Variants in MAGI1 observed in about 807,000 individuals in gnomAD.
The protein encoded by MAGI1 is membrane-associated guanylate kinase, WW and PDZ domain-containing protein 1.
Under a neutral mutation model 139.9 loss-of-function variants are expected in MAGI1, and 58 were observed. The ratio of observed to expected loss-of-function variants is 0.41; its 90% CI spans 0.34 to 0.52. The LOEUF (loss-of-function observed/expected upper bound fraction) is 0.52, where lower values mean the gene tolerates loss of function less well. Among genes scored for constraint, MAGI1 ranks in the 20% least tolerant of loss-of-function variants. The pLI, the probability that MAGI1 is intolerant of heterozygous loss-of-function variation, is 0.12. For missense variants in MAGI1, 1,874 were observed against 1,901.6 expected (o/e 0.99, Z 0.27); for synonymous variants, 812 against 737.9 (o/e 1.10, Z -1.63).
chr3:65,565,049 A>C (rs1275147007), intron 2 of MAGI1, among the ~76,000 whole-genome samples: 4 of 152,190 alleles, frequency 2.6e-5, no homozygotes, highest in African/African-American at 7.2e-5. Flanking sequence ...CCAAACCTAG[A>C]TAACACGAAT....
intron 1 of MAGI1, among the ~76,000 whole-genome samples, chr3:65,666,617 C>A (rs1352756501): frequency 6.6e-6 from 1 of 152,162 alleles, no homozygotes; most frequent in Non-Finnish European, 1.5e-5. Flanking sequence ...GTGAGCAATT[C>A]CCAAACTGAT....
At chr3:66,008,703 G>GT (rs1553746770) in intron 1 of MAGI1, 1 of 53,782 alleles carries the variant, frequency 1.9e-5, no homozygotes, top group Non-Finnish European at 5.4e-5. Flanking sequence ...GGAAGAGTAT[G>GT]GGGGGGCAGG....
intron 1 of MAGI1, chr3:65,688,160 C>A: frequency 1.3e-6 from 1 of 765,010 alleles, no homozygotes; most frequent in South Asian, 1.3e-5. Context: ...CCATGGGTAT[C>A]ACTGACCCCC....
intron 2 of MAGI1, among the ~76,000 whole-genome samples, chr3:65,537,934 A>G (rs906887234): frequency 6.6e-6 from 1 of 152,150 alleles, no homozygotes; most frequent in Non-Finnish European, 1.5e-5. Flanking sequence ...CCTGGCCAAC[A>G]TGGTGAAACC....
At chr3:65,838,710 G>T (rs900376079) in intron 1 of MAGI1, among the ~76,000 whole-genome samples, 4 of 152,198 alleles carry the variant, frequency 2.6e-5, no homozygotes, top group Non-Finnish European at 5.9e-5. Context: ...TTTTTGTGTG[G>T]ACATAAGTTT....
At chr3:65,666,424 G>T (rs1401692098) in intron 1 of MAGI1, among the ~76,000 whole-genome samples, 5 of 152,170 alleles carry the variant, frequency 3.3e-5, no homozygotes, top group African/African-American at 1.2e-4. Context: ...TTCTCCAAAG[G>T]CTATTCCACT....
intron 1 of MAGI1, among the ~76,000 whole-genome samples, chr3:65,696,507 GAATA>G (rs2089205587): frequency 6.6e-6 from 1 of 151,942 alleles, no homozygotes; most frequent in South Asian, 2.1e-4. Context: ...TTTGTTGAAT[GAATA>G]AATAAATGTA....
At chr3:65,786,608 A>ATTTTTT (rs34768515) in intron 1 of MAGI1, among the ~76,000 whole-genome samples, 1 of 128,372 alleles carries the variant, frequency 7.8e-6, no homozygotes, top group Non-Finnish European at 1.6e-5. Flanking sequence ...TGGCCCAAGA[A>ATTTTTT]TTTTTTTTTT....
At chr3:65,726,304 A>G (rs1325584884) in intron 1 of MAGI1, among the ~76,000 whole-genome samples, 1 of 152,210 alleles carries the variant, frequency 6.6e-6, no homozygotes, top group East Asian at 1.9e-4. Context: ...TTTGAATTAA[A>G]TTATGACAAA....
chr3:65,422,455 G>A (rs1049089992), intron 12 of MAGI1, among the ~76,000 whole-genome samples: 1 of 152,132 alleles, frequency 6.6e-6, no homozygotes, highest in Non-Finnish European at 1.5e-5. Flanking sequence ...CTGTGTGACT[G>A]GGGGGTGGTC....
chr3:65,661,755 T>TTTTG (rs2086208037), intron 1 of MAGI1, among the ~76,000 whole-genome samples: 3 of 138,736 alleles, frequency 2.2e-5, no homozygotes, highest in African/African-American at 8.2e-5. Context: ...GTTTTTTTTT[T>TTTTG]TTTTTTTTTT....
rs1577147816 is a variant in MAGI1, at chr3:65,795,535, T to C, written c.314-173447A>G. Among the ~76,000 whole-genome samples, 3 of 152,256 alleles carry C rather than the reference T, an allele frequency of 2.0e-5. No individual in the cohort carries two copies. The South Asian group carries it at 6.2e-4, about 32-fold the overall frequency. On this transcript the variant is annotated intron_variant, in intron 1 of 22. Transcript: ENST00000402939. ...TGACTGAGAGGGGTTTTGTAAAATA[T>C]TACCATTGGAAGAAATTATGCAAAG...
At chr3:65,773,119 T>C (rs1260202340) in intron 1 of MAGI1, among the ~76,000 whole-genome samples, 1 of 152,192 alleles carries the variant, frequency 6.6e-6, no homozygotes, top group African/African-American at 2.4e-5. Flanking sequence ...ATGTAAAGTA[T>C]TCATAAAAGT....
chr3:65,381,775 C>T (rs1359353747), intron 16 of MAGI1, 102 bp downstream of exon 16: 5 of 1,130,028 alleles, frequency 4.4e-6, no homozygotes, highest in Non-Finnish European at 6.2e-6. Context: ...CATTTGCAAA[C>T]ATTTGCTAAA....
At chr3:65,585,493 GA>G (rs987133978) in intron 2 of MAGI1, among the ~76,000 whole-genome samples, 15 of 152,248 alleles carry the variant, frequency 9.9e-5, no homozygotes, top group African/African-American at 3.6e-4. Context: ...GAAAGGCAAA[GA>G]AAAAATGTTT....
At chr3:65,373,142 C>T (rs577063681) in intron 18 of MAGI1, among the ~76,000 whole-genome samples, 2 of 152,280 alleles carry the variant, frequency 1.3e-5, no homozygotes, top group East Asian at 3.9e-4. Flanking sequence ...TATGCTTAAT[C>T]ATTTCTAGCT....
intron 2 of MAGI1, among the ~76,000 whole-genome samples, chr3:65,537,433 G>A (rs2079009735): frequency 6.6e-6 from 1 of 152,040 alleles, no homozygotes; most frequent in South Asian, 2.1e-4. Flanking sequence ...TGTAGCATTT[G>A]CCACATTGGC....
chr3:65,748,318 C>T (rs1320427733), intron 1 of MAGI1, among the ~76,000 whole-genome samples: 1 of 152,060 alleles, frequency 6.6e-6, no homozygotes, highest in Non-Finnish European at 1.5e-5. Flanking sequence ...TCTTGTGTGT[C>T]AAGTAGAACA....
intron 1 of MAGI1, among the ~76,000 whole-genome samples, chr3:65,951,139 A>C (rs1576226880): frequency 6.6e-6 from 1 of 152,258 alleles, no homozygotes; most frequent in East Asian, 1.9e-4. Flanking sequence ...GAATGTATGA[A>C]TTTATGTTGG....
Sources: gnomAD v4.1 joint callset for allele counts (sites outside exome capture counted in the v4.1 genomes callset) on GRCh38, gnomAD v4.1.1 for gene constraint, MANE v1.5 for transcripts, NCBI Gene and HGNC (gene_info 2026-07-23, HGNC 2026-07-21) for gene names.